PARP1: variants seen among roughly 807,000 people sequenced by gnomAD.
PARP1 encodes the protein poly [ADP-ribose] polymerase 1.
PARP1 carries 44 observed loss-of-function variants against 118.7 expected under a neutral mutation model. The ratio of observed to expected loss-of-function variants is 0.37; its 90% confidence interval spans 0.29 to 0.48. PARP1 has a LOEUF of 0.48. Ranked by LOEUF, PARP1 falls within the 20% of genes least tolerant of loss-of-function variation. The pLI, the probability that PARP1 is intolerant of heterozygous loss-of-function variation, is 0.99. For synonymous variants in PARP1, 492 were observed against 483.2 expected, an observed-to-expected ratio of 1.02 and a Z score of -0.24; for missense variants, 1,100 against 1,272.4, an observed-to-expected ratio of 0.86 and a Z score of 2.06.
chr1:226,374,953 C>A (rs966210540), intron 13 of PARP1, among the ~76,000 whole-genome samples: 1 of 152,236 alleles, frequency 6.6e-6, no homozygotes, highest in Admixed American at 6.5e-5. Flanking sequence ...CTCCACCCCC[C>A]ACTGTCTGAA....
At chr1:226,379,691 A>G (rs1357164952) in intron 10 of PARP1, 50 bp from the exon 11 acceptor site, 1 of 1,469,528 alleles carries the variant, frequency 6.8e-7, no homozygotes, top group African/African-American at 1.4e-5. Flanking sequence ...GTAACTAAAA[A>G]GTAAGGGGAA....
chr1:226,397,979 A>T (rs1372374483), intron 2 of PARP1, among the ~76,000 whole-genome samples: 1 of 152,150 alleles, frequency 6.6e-6, no homozygotes, highest in Non-Finnish European at 1.5e-5. Flanking sequence ...AAAAAGAAAA[A>T]AAATAAAGGA....
At chr1:226,368,085 G>A in intron 16 of PARP1, 114 bp downstream of exon 16, 1 of 1,417,664 alleles carries the variant, frequency 7.1e-7, no homozygotes, top group Non-Finnish European at 9.9e-7. Flanking sequence ...GGGCAAGAGG[G>A]TGGCCCTCCC....
Position 226,361,431 on chromosome 1 carries a change from A to G in PARP1, c.*29T>C. The G allele has an allele frequency of 2.0e-6, 3 of 1,494,420 alleles. No homozygotes were observed. The highest frequency in any genetic ancestry group is 2.8e-6 in the Non-Finnish European group (3 of 1,071,706). The allele number at this position is 1,494,420 out of a possible 1,614,324, so 92.6% of individuals were successfully genotyped here. On this transcript the variant is annotated 3_prime_UTR_variant, in exon 23 of 23. Transcript: ENST00000366794. ...CTTCGGGTGAATTCATACCAGAGCC[A>G]CCGGGTGTGACTCGGCTACCTCTCC...
intron 11 of PARP1, 131 bp from the exon 12 acceptor site, chr1:226,379,405 CA>C (rs1664559295): frequency 7.7e-7 from 1 of 1,304,282 alleles, no homozygotes; most frequent in African/African-American, 1.5e-5. Context: ...AGGCTCCCCA[CA>C]AATGTGTGTT....
At chr1:226,405,687 C>G (rs999868589) in intron 1 of PARP1, among the ~76,000 whole-genome samples, 4 of 152,180 alleles carry the variant, frequency 2.6e-5, no homozygotes, top group Non-Finnish European at 5.9e-5. Context: ...TCCTCCACAG[C>G]GGTGTTGTTC....
In PARP1 at chr1:226,377,102, G is replaced by A. The variant is rs554994013; in HGVS notation, c.1941+6C>T. 123 of 1,611,700 alleles carry A rather than the reference G, an allele frequency of 7.6e-5. 2 individuals carry two copies. The South Asian group carries it at 1.3e-3, about 17-fold the overall frequency. On this transcript the variant is annotated splice_donor_region_variant and intron_variant, in intron 13 of 22. Coordinates refer to ENST00000366794, the MANE Select transcript of PARP1 (RefSeq NM_001618.4). Reference sequence around the variant, plus strand: ...AGCAGACAGTGTAAGGGCATTATGTGGTTACCTGGCCATAGTCAATCTCCA... The same window carrying A: ...AGCAGACAGTGTAAGGGCATTATGTAGTTACCTGGCCATAGTCAATCTCCA...
chr1:226,384,558 T>C (rs1216000464), intron 7 of PARP1, among the ~76,000 whole-genome samples: 4 of 152,208 alleles, frequency 2.6e-5, no homozygotes, highest in Non-Finnish European at 5.9e-5. Context: ...CCATCAAAGA[T>C]AGTAAAAGAA....
chr1:226,381,241 C>A (rs376737107), intron 8 of PARP1, 33 bp from the exon 9 acceptor site: 4 of 1,613,868 alleles, frequency 2.5e-6, no homozygotes, highest in Non-Finnish European at 2.5e-6. Context: ...TTCAGCAAGG[C>A]CAGCTCTGGT....
At chr1:226,398,268 C>G (rs1664963907) in intron 2 of PARP1, among the ~76,000 whole-genome samples, 1 of 152,084 alleles carries the variant, frequency 6.6e-6, no homozygotes, top group Admixed American at 6.5e-5. Flanking sequence ...CCAAAATATA[C>G]CAAGAACTCT....
chr1:226,368,110 C>A, intron 16 of PARP1, 89 bp downstream of exon 16: 1 of 1,560,838 alleles, frequency 6.4e-7, no homozygotes, highest in Non-Finnish European at 8.8e-7. Context: ...TTGGTGCTGC[C>A]CTCAGGGATC....
chr1:226,380,182 A>G lies in PARP1; in HGVS notation c.1301-18T>C, dbSNP rs755037818. ...CACCTCCTCTGTTCAAATTGAAAGG[A>G]AAAAAAACCAAAATACAAGTTTAAA... On this transcript the variant is annotated intron_variant, in intron 9 of 22. Coordinates refer to ENST00000366794, the MANE Select transcript of PARP1 (RefSeq NM_001618.4). 4 of 1,612,236 alleles carry G rather than the reference A, an allele frequency of 2.5e-6. No individual in the cohort carries two copies. The highest frequency in any genetic ancestry group is 1.7e-6 in the Non-Finnish European group (2 of 1,178,818).
Position 226,361,353 on chromosome 1 carries a change from T to A in PARP1, c.*107A>T. The A allele has an allele frequency of 1.3e-6, 1 of 742,466 alleles. No individual in the cohort carries two copies. Among genetic ancestry groups the A allele is most frequent in the Non-Finnish European group, 2.5e-6 (1 of 405,146 alleles). 46.0% of individuals were successfully genotyped at this position (742,466 alleles called of 1,614,324 possible). A position where few individuals can be genotyped will look rare whatever the true frequency, so the allele number is the denominator to read the frequency against. On this transcript the variant is annotated 3_prime_UTR_variant, in exon 23 of 23. Transcript: ENST00000366794. ...TAAAATCCTTTCTGAGGTGGTTTAG[T>A]ACAGGTACTACCCATCAGCAACTTA...
chr1:226,385,477 A>G, intron 7 of PARP1, 27 bp downstream of exon 7: 1 of 1,610,170 alleles, frequency 6.2e-7, no homozygotes, highest in Non-Finnish European at 8.5e-7. Context: ...CTCCCAACAG[A>G]TCCCAGGATC....
chr1:226,362,851 TA>T (rs1344841328), intron 21 of PARP1, among the ~76,000 whole-genome samples: 1 of 49,840 alleles, frequency 2.0e-5, no homozygotes, highest in Non-Finnish European at 4.5e-5. Context: ...AGAGCTTGCC[TA>T]TTTTTTTTTT....
At chr1:226,391,118 C>T (rs142097875) in intron 3 of PARP1, among the ~76,000 whole-genome samples, 227 of 151,738 alleles carry the variant, frequency 1.5e-3, no homozygotes, top group African/African-American at 5.2e-3. Context: ...CCTCCTACCT[C>T]GGCCTTGCCT....
chr1:226,403,725 C>T (rs956651449), intron 1 of PARP1, among the ~76,000 whole-genome samples: 1 of 152,134 alleles, frequency 6.6e-6, no homozygotes, highest in African/African-American at 2.4e-5. Context: ...CTCCACTGCC[C>T]GGCAGGAAGA....
intron 1 of PARP1, among the ~76,000 whole-genome samples, chr1:226,402,829 G>A (rs947988469): frequency 6.6e-6 from 1 of 152,240 alleles, no homozygotes; most frequent in African/African-American, 2.4e-5. Context: ...TGGACTCAAA[G>A]GGCCTGTGTG....
chr1:226,366,114 T>C (rs1664261593), intron 17 of PARP1, 62 bp from the exon 18 acceptor site: 1 of 1,131,356 alleles, frequency 8.8e-7, no homozygotes, highest in South Asian at 1.2e-5. Flanking sequence ...AGAGGAGGAA[T>C]GCTCAGGCTC....
Sources: allele counts gnomAD v4.1 joint callset (sites outside exome capture counted in the v4.1 genomes callset), GRCh38; gene constraint gnomAD v4.1.1; transcripts MANE v1.5; gene names NCBI Gene and HGNC (gene_info 2026-07-23, HGNC 2026-07-21).